Variants in HDAC8 observed in about 807,000 individuals in gnomAD.
HDAC8 encodes histone deacetylase-like 1.
Under a neutral mutation model 32.2 loss-of-function variants are expected in HDAC8, and 1 was observed. That is an observed-to-expected ratio of 0.03 (90% CI 0.01 to 0.15). The LOEUF (loss-of-function observed/expected upper bound fraction) is 0.15. Ranked by LOEUF, HDAC8 falls within the 10% of genes least tolerant of loss-of-function variation. The pLI is 1.00. For synonymous variants in HDAC8, 108 were observed against 113.9 expected (o/e 0.95, Z 0.33); for missense variants, 117 against 300.0 (o/e 0.39, Z 4.51).
intron 9 of HDAC8, among the ~76,000 whole-genome samples, chrX:72,376,196 G>A (rs1462868028): frequency 4.6e-5 from 5 of 109,639 alleles, no homozygotes; most frequent in Non-Finnish European, 7.6e-5. Flanking sequence ...GGCGTGAGAC[G>A]CTGTGCCTGG....
intron 4 of HDAC8, among the ~76,000 whole-genome samples, chrX:72,506,604 C>T (rs186352195): frequency 1.8e-5 from 2 of 111,619 alleles, no homozygotes; most frequent in East Asian, 5.7e-4. Context: ...ACCCAAATAC[C>T]TCCCATTAGG....
chrX:72,495,785 C>T (rs1556012679), intron 4 of HDAC8, among the ~76,000 whole-genome samples: 2 of 112,160 alleles, frequency 1.8e-5, no homozygotes, highest in Admixed American at 1.9e-4. Flanking sequence ...CTCATAAAAG[C>T]TGAGTGTAGA....
At position 72,548,491 on chromosome X, in the gene HDAC8, T is replaced by C. The variant is rs781881654; in HGVS notation, c.437+19398A>G. Among the ~76,000 whole-genome samples the C allele has an allele frequency of 9.8e-5, 11 of 111,985 alleles. No individual in the cohort carries two copies. The South Asian group carries it at 1.1e-3, about 11-fold the overall frequency. ...CTGCTTTTTATTTTACATTATTTTA[T>C]TTCTGCCTTTTTATTTTATATTGCC... On this transcript the variant is annotated intron_variant, in intron 4 of 10. Transcript: ENST00000373573.
chrX:72,339,660 G>C (rs1555944366), intron 10 of HDAC8, among the ~76,000 whole-genome samples: 1 of 112,081 alleles, frequency 8.9e-6, no homozygotes, highest in Non-Finnish European at 1.9e-5. Flanking sequence ...TTATCTGAGA[G>C]GCCATGGGGA....
intron 4 of HDAC8, among the ~76,000 whole-genome samples, chrX:72,542,366 T>G (rs1178230538): frequency 3.6e-5 from 4 of 112,240 alleles, no homozygotes; most frequent in African/African-American, 1.3e-4. Flanking sequence ...AGCCTGGAGT[T>G]GGTGCTACTG....
chrX:72,385,682 C>T (rs1315695886), intron 9 of HDAC8, among the ~76,000 whole-genome samples: 1 of 111,458 alleles, frequency 9.0e-6, no homozygotes, highest in Non-Finnish European at 1.9e-5. Context: ...TAATAGCTTA[C>T]CATGTTTTGC....
intron 10 of HDAC8, among the ~76,000 whole-genome samples, chrX:72,341,937 G>A (rs1555945213): frequency 9.0e-6 from 1 of 111,726 alleles, no homozygotes. Flanking sequence ...TCTGGCACTG[G>A]AGAAAATCAA....
chrX:72,528,671 A>G (rs1401721005), intron 4 of HDAC8, among the ~76,000 whole-genome samples: 6 of 111,007 alleles, frequency 5.4e-5, no homozygotes, highest in African/African-American at 2.0e-4. Flanking sequence ...AAGCATCCTT[A>G]TTAACCTGCT....
chrX:72,378,514 A>C (rs1194057497), intron 9 of HDAC8, among the ~76,000 whole-genome samples: 1 of 111,907 alleles, frequency 8.9e-6, no homozygotes, highest in African/African-American at 3.3e-5. Context: ...TGAGCTAAAT[A>C]AACCTCTTAT....
At chrX:72,475,815 AAACC>A (rs1166696343) in intron 7 of HDAC8, among the ~76,000 whole-genome samples, 1 of 111,996 alleles carries the variant, frequency 8.9e-6, no homozygotes, top group Non-Finnish European at 1.9e-5. Flanking sequence ...TTAAACTCCC[AAACC>A]AACCAACCAA....
At chrX:72,365,591 T>C (rs2044675651) in intron 9 of HDAC8, among the ~76,000 whole-genome samples, 1 of 111,114 alleles carries the variant, frequency 9.0e-6, no homozygotes, top group Non-Finnish European at 1.9e-5. Flanking sequence ...GAAGAGAAGG[T>C]ATGAAATGCA....
intron 4 of HDAC8, among the ~76,000 whole-genome samples, chrX:72,529,926 C>T (rs1397948074): frequency 9.0e-6 from 1 of 111,529 alleles, no homozygotes; most frequent in East Asian, 2.8e-4. Context: ...GCACTTTTCC[C>T]TTCTCTCTTT....
chrX:72,365,220 GT>G (rs1242928881), intron 9 of HDAC8, among the ~76,000 whole-genome samples: 1 of 111,889 alleles, frequency 8.9e-6, no homozygotes, highest in Non-Finnish European at 1.9e-5. Context: ...TTCTCAAAAA[GT>G]TCTGGATTTT....
intron 9 of HDAC8, among the ~76,000 whole-genome samples, chrX:72,366,936 T>C (rs782234070): frequency 8.9e-6 from 1 of 111,916 alleles, no homozygotes; most frequent in South Asian, 3.8e-4. Context: ...CAAAACCCAG[T>C]CATTGAAATG....
intron 9 of HDAC8, among the ~76,000 whole-genome samples, chrX:72,379,015 G>A (rs372904186): frequency 8.2e-5 from 9 of 110,259 alleles, no homozygotes; most frequent in African/African-American, 2.6e-4. Flanking sequence ...CCACCACCAC[G>A]CCTGGCTAAT....
intron 4 of HDAC8, among the ~76,000 whole-genome samples, chrX:72,525,616 A>G (rs1341405905): frequency 9.2e-5 from 10 of 109,264 alleles, no homozygotes; most frequent in African/African-American, 3.3e-4. Context: ...GATCGAGACC[A>G]TCCTGGCTAA....
At chrX:72,403,955 C>CATGT (rs782035084) in intron 9 of HDAC8, among the ~76,000 whole-genome samples, 35 of 111,040 alleles carry the variant, frequency 3.2e-4, no homozygotes, top group Non-Finnish European at 6.4e-4. Flanking sequence ...CAAACCTGCA[C>CATGT]ATGTACCCCT....
rs112026209 is a variant in HDAC8 at position 72,495,123 on chromosome X, G to A, written c.550+33C>T. The A allele has an allele frequency of 9.0e-5, 92 of 1,020,275 alleles. No individual in the cohort carries two copies. The Admixed American group carries it at 9.0e-4, about 10-fold the overall frequency. 84.1% of individuals were successfully genotyped at this position (1,020,275 alleles called of 1,213,427 possible). ...TAACTGATAAAAACCTGCTGTCCTC[G>A]CAGCAAAGCATCTTTAAAACCAAAG... On this transcript the variant is annotated intron_variant, in intron 5 of 10. Transcript: ENST00000373573.
chrX:72,369,578 A>C (rs782723879), intron 9 of HDAC8, among the ~76,000 whole-genome samples: 16 of 111,969 alleles, frequency 1.4e-4, no homozygotes, highest in Non-Finnish European at 2.8e-4. Context: ...GCAGGCAGGC[A>C]CCTCCGAACT....
Sources: allele counts gnomAD v4.1 joint callset (sites outside exome capture counted in the v4.1 genomes callset), GRCh38; gene constraint gnomAD v4.1.1; transcripts MANE v1.5; gene names NCBI Gene and HGNC (gene_info 2026-07-23, HGNC 2026-07-21).